The following RAI14 variants were observed in gnomAD, a reference collection of about 807,000 sequenced individuals.
RAI14 encodes retinoic acid induced 14.
A neutral mutation model predicts 115.4 loss-of-function variants in RAI14; 45 were observed. The observed-to-expected ratio is 0.39, with a 90% CI of 0.31 to 0.50. The LOEUF (loss-of-function observed/expected upper bound fraction) is 0.50, where lower values mean the gene tolerates loss of function less well. RAI14 is among the 20% of genes least tolerant of loss of function. The probability of loss-of-function intolerance (pLI) is 0.85; values close to 1 mark genes in which losing one functional copy is unlikely to be tolerated. For synonymous variants in RAI14, 371 were observed against 415.4 expected (o/e 0.89, Z 1.30); for missense variants, 939 against 1,131.2 (o/e 0.83, Z 2.44).
rs545479290 is a variant in RAI14, at chr5:34,712,254, A to G, written c.36+25299A>G. Among the ~76,000 whole-genome samples the G allele has an allele frequency of 5.9e-5, 9 of 152,324 alleles. No homozygotes were observed. The East Asian group carries it at 1.7e-3, about 29-fold the overall frequency. On this transcript the variant is annotated intron_variant, in intron 2 of 17. Transcript: ENST00000265109. ...AAACATCACTAATCAAATCACCTAA[A>G]TTCTGTCTTCAAGGTACATTTCCTG...
intron 2 of RAI14, among the ~76,000 whole-genome samples, chr5:34,696,258 C>T (rs1291156101): frequency 6.6e-6 from 1 of 152,150 alleles, no homozygotes; most frequent in Non-Finnish European, 1.5e-5. Flanking sequence ...CCTGCCTCAG[C>T]CTCTGAGTAG....
intron 13 of RAI14, among the ~76,000 whole-genome samples, chr5:34,820,629 T>C (rs1054244870): frequency 6.6e-6 from 1 of 152,064 alleles, no homozygotes; most frequent in African/African-American, 2.4e-5. Context: ...AATAATAATA[T>C]TAAGTTTGGA....
intron 4 of RAI14, among the ~76,000 whole-genome samples, chr5:34,797,636 TG>T (rs1753702642): frequency 6.6e-6 from 1 of 152,182 alleles, no homozygotes; most frequent in Non-Finnish European, 1.5e-5. Flanking sequence ...GGGGGATAAA[TG>T]GTTTCCTTAA....
intron 2 of RAI14, among the ~76,000 whole-genome samples, chr5:34,739,833 G>T (rs1010625629): frequency 2.6e-5 from 4 of 151,980 alleles, no homozygotes; most frequent in African/African-American, 7.3e-5. Flanking sequence ...AGGCCGAGGC[G>T]GGCGGATCAC....
intron 2 of RAI14, among the ~76,000 whole-genome samples, chr5:34,752,425 G>A (rs896250931): frequency 6.6e-6 from 1 of 152,004 alleles, no homozygotes; most frequent in Non-Finnish European, 1.5e-5. Flanking sequence ...GAGAAAAACC[G>A]TAAGCTCTCG....
At position 34,755,685 on chromosome 5, in the gene RAI14, G is replaced by A. The variant is rs60258110; in HGVS notation, c.37-1783G>A. Among the ~76,000 whole-genome samples the A allele has an allele frequency of 7.8e-3, 1,195 of 152,290 alleles. 20 individuals carry two copies. Among genetic ancestry groups the A allele is most frequent in the African/African-American group, 0.028 (1,154 of 41,556 alleles). ...CCAGAGATTGCCAAATGACCCCACA[G>A]GGGCAAAACAAATCCTGGTTAAGAA... On this transcript the variant is annotated intron_variant, in intron 2 of 17. Transcript: ENST00000265109.
At chr5:34,688,449 A>G in intron 2 of RAI14, 1 of 459,376 alleles carries the variant, frequency 2.2e-6, no homozygotes, top group East Asian at 3.5e-5. Flanking sequence ...ATAGGCACAT[A>G]AACTTTTGGT....
intron 2 of RAI14, among the ~76,000 whole-genome samples, chr5:34,755,882 T>A (rs1193457895): frequency 6.6e-6 from 1 of 151,240 alleles, no homozygotes; most frequent in Non-Finnish European, 1.5e-5. Flanking sequence ...CTGGGGAAAC[T>A]GAGGCACAGA....
chr5:34,760,184 G>A (rs1748441084), intron 3 of RAI14, among the ~76,000 whole-genome samples: 1 of 152,148 alleles, frequency 6.6e-6, no homozygotes, highest in Admixed American at 6.5e-5. Flanking sequence ...GAGTAGCTGG[G>A]ACTACAGGCA....
intron 3 of RAI14, among the ~76,000 whole-genome samples, chr5:34,769,939 G>A (rs999753091): frequency 6.6e-6 from 1 of 152,146 alleles, no homozygotes; most frequent in Non-Finnish European, 1.5e-5. Context: ...ATGTTGGCCA[G>A]GCTGGTCTTA....
Position 34,823,195 on chromosome 5 carries a change from G to A in RAI14, c.1353G>A (p.Glu451=). ...LQKRLESSEA[E]RKQLQVELQS... is the part of the protein sequence containing the mutation. ...AGAGATTAGAGAGCTCTGAAGCAGA[G>A]AGAAAACAGCTACAGGTCGAACTCC... The change falls in exon 15 of 18, where the codon GAG becomes GAA. Residue 451 remains glutamate (E), a synonymous_variant. Transcript: ENST00000265109. This position sits in a 1 kb window ranked among gnomAD's most constrained non-coding sequence, Gnocchi z 4.5. The A allele has an allele frequency of 6.2e-7, 1 of 1,614,050 alleles. No homozygotes were observed. Among genetic ancestry groups the A allele is most frequent in the African/African-American group, 1.3e-5 (1 of 75,062 alleles).
In RAI14 at chr5:34,782,137, C is replaced by T. The variant is rs180822979; in HGVS notation, c.168-13802C>T. ...GGCCAGGTGTTCCTTGCCCTTATTT[C>T]GGTAAACCCACAACCTTCAGCGTGG... On this transcript the variant is annotated intron_variant, in intron 3 of 17. Transcript: ENST00000265109. Among the ~76,000 whole-genome samples the T allele has an allele frequency of 2.0e-3, 306 of 152,312 alleles. 5 individuals carry two copies. The highest frequency in any genetic ancestry group is 6.6e-3 in the African/African-American group (274 of 41,570).
chr5:34,746,639 A>G (rs1047844189), intron 2 of RAI14, among the ~76,000 whole-genome samples: 1 of 150,844 alleles, frequency 6.6e-6, no homozygotes, highest in Non-Finnish European at 1.5e-5. Flanking sequence ...TCCTGACCTC[A>G]AGGGATCTGC....
In RAI14 at chr5:34,762,928, CATGTGTGTGTGTGTGTGTGTGTGT is replaced by C. The variant is rs1337498082; in HGVS notation, c.167+5331_167+5354del. Among the ~76,000 whole-genome samples, 88 of 98,924 alleles carry C rather than the reference CATGTGTGTGTGTGTGTGTGTGTGT, an allele frequency of 8.9e-4. 2 individuals carry two copies. The South Asian group carries it at 0.018, about 20-fold the overall frequency. The allele number at this position is 98,924 out of a possible 152,430, so 64.9% of individuals were successfully genotyped here. ...TGTGTGTAGATATAAGGAGTGTGTG[CATGTGTGTGTGTGTGTGTGTGTGT>C]GTGTGTGTGTGTGTGTGTGTGTGTA... On this transcript the variant is annotated intron_variant, in intron 3 of 17. Coordinates refer to ENST00000265109, the MANE Select transcript of RAI14 (RefSeq NM_015577.3).
chr5:34,661,116 A>T (rs1196930989), intron 1 of RAI14, among the ~76,000 whole-genome samples: 2 of 152,162 alleles, frequency 1.3e-5, no homozygotes, highest in South Asian at 2.1e-4. Context: ...GGATATTTTT[A>T]AAATTTTTGG....
chr5:34,738,985 C>T (rs1177244980), intron 2 of RAI14, among the ~76,000 whole-genome samples: 1 of 152,194 alleles, frequency 6.6e-6, no homozygotes, highest in Non-Finnish European at 1.5e-5. Context: ...GGCTTGTATA[C>T]AGCCTGCGGT....
At chr5:34,694,944 G>A (rs1191939580) in intron 2 of RAI14, among the ~76,000 whole-genome samples, 1 of 152,060 alleles carries the variant, frequency 6.6e-6, no homozygotes, top group Non-Finnish European at 1.5e-5. Context: ...TGTCACCCAG[G>A]CTGGAGTGCA....
At chr5:34,717,809 G>T (rs1336223611) in intron 2 of RAI14, among the ~76,000 whole-genome samples, 1 of 151,464 alleles carries the variant, frequency 6.6e-6, no homozygotes, top group East Asian at 1.9e-4. Flanking sequence ...TTAAGTACTG[G>T]CATTCTTTCC....
intron 1 of RAI14, among the ~76,000 whole-genome samples, chr5:34,676,785 G>A (rs181888614): frequency 6.6e-6 from 1 of 152,238 alleles, no homozygotes; most frequent in African/African-American, 2.4e-5. Context: ...TCTCAAAAGA[G>A]TTTTACTACG....
Sources: allele counts gnomAD v4.1 joint callset (sites outside exome capture counted in the v4.1 genomes callset), GRCh38; gene constraint gnomAD v4.1.1; non-coding constraint Gnocchi (gnomAD v3.1); transcripts MANE v1.5; gene names NCBI Gene and HGNC (gene_info 2026-07-23, HGNC 2026-07-21).